The following LTBP1 variants were observed in gnomAD, a reference collection of about 807,000 sequenced individuals.
LTBP1 encodes the protein latent transforming growth factor beta binding protein 1.
Under a neutral mutation model 207.6 loss-of-function variants are expected in LTBP1, and 129 were observed. The observed-to-expected ratio is 0.62, with a 90% CI of 0.54 to 0.72. LTBP1 has a LOEUF of 0.72. Among genes scored for constraint, LTBP1 ranks in the 30% least tolerant of loss-of-function variants. LTBP1 has a pLI of 0.00. For synonymous variants in LTBP1, 963 were observed against 833.7 expected, an observed-to-expected ratio of 1.16 and a Z score of -2.67; for missense variants, 2,281 against 2,217.2, an observed-to-expected ratio of 1.03 and a Z score of -0.58.
At chr2:33,344,322 A>G (rs557703772) in intron 25 of LTBP1, among the ~76,000 whole-genome samples, 20 of 152,356 alleles carry the variant, frequency 1.3e-4, no homozygotes, top group African/African-American at 2.9e-4. Flanking sequence ...CCTTTCCACC[A>G]AAATACAGTT....
intron 24 of LTBP1, among the ~76,000 whole-genome samples, chr2:33,328,839 G>A (rs1037348687): frequency 6.6e-6 from 1 of 152,062 alleles, no homozygotes; most frequent in African/African-American, 2.4e-5. Flanking sequence ...TGTAAGCTTC[G>A]TCTGTCTTGT....
At chr2:33,345,543 A>C (rs1406385327) in intron 25 of LTBP1, among the ~76,000 whole-genome samples, 1 of 152,218 alleles carries the variant, frequency 6.6e-6, no homozygotes, top group African/African-American at 2.4e-5. Context: ...CAATTTCTTA[A>C]GTTTTTCTGG....
chr2:33,125,657 C>T (rs2081392895), intron 4 of LTBP1, among the ~76,000 whole-genome samples: 2 of 151,828 alleles, frequency 1.3e-5, no homozygotes. Flanking sequence ...GTAGTGAAAC[C>T]CCATCTCTAC....
At chr2:33,256,941 C>T (rs2092877755) in intron 11 of LTBP1, among the ~76,000 whole-genome samples, 1 of 149,784 alleles carries the variant, frequency 6.7e-6, no homozygotes. Context: ...TATCCTAGAA[C>T]TAATCCCTCA....
chr2:32,998,136 C>T (rs965445807), intron 2 of LTBP1, among the ~76,000 whole-genome samples: 6 of 152,272 alleles, frequency 3.9e-5, no homozygotes, highest in Non-Finnish European at 4.4e-5. Context: ...GGACTCCTCC[C>T]CAGACCTAAT....
At chr2:33,019,181 G>A (rs1186415184) in intron 2 of LTBP1, among the ~76,000 whole-genome samples, 1 of 151,966 alleles carries the variant, frequency 6.6e-6, no homozygotes, top group Non-Finnish European at 1.5e-5. Context: ...ATCTGCCTCA[G>A]GACCAACAGT....
At position 33,082,431 on chromosome 2, in the gene LTBP1, A is replaced by AATTTTTTTTTTTTTTTTTT. The variant is rs2078468929; in HGVS notation, c.864-28151_864-28150insATTTTTTTTTTTTTTTTTT. On this transcript the variant is annotated intron_variant, in intron 3 of 33. Coordinates refer to ENST00000404816, the MANE Select transcript of LTBP1 (RefSeq NM_206943.4). ...GTTAACCGTGGCTAAAGTATGACTC[A>AATTTTTTTTTTTTTTTTTT]CTTTTTTTTTTTTTTTTTTTTTTTT... Among the ~76,000 whole-genome samples, 23 of 116,044 alleles carry AATTTTTTTTTTTTTTTTTT rather than the reference A, an allele frequency of 2.0e-4. 9 individuals carry two copies. Among genetic ancestry groups the AATTTTTTTTTTTTTTTTTT allele is most frequent in the Admixed American group, 2.9e-4 (3 of 10,198 alleles). The allele number at this position is 116,044 out of a possible 152,430, so 76.1% of individuals were successfully genotyped here.
At chr2:33,295,397 T>C (rs570512514) in intron 20 of LTBP1, among the ~76,000 whole-genome samples, 1 of 152,002 alleles carries the variant, frequency 6.6e-6, no homozygotes, top group African/African-American at 2.4e-5. Flanking sequence ...CTTGGTGGCA[T>C]GCGCATGTAA....
chr2:33,268,504 G>C (rs181813000), intron 15 of LTBP1, among the ~76,000 whole-genome samples: 6 of 152,300 alleles, frequency 3.9e-5, no homozygotes, highest in African/African-American at 1.4e-4. Context: ...TAATTATAAA[G>C]TGAGCCACAT....
At chr2:33,353,638 C>T (rs566396056) in intron 26 of LTBP1, among the ~76,000 whole-genome samples, 2 of 152,182 alleles carry the variant, frequency 1.3e-5, no homozygotes, top group South Asian at 4.2e-4. Context: ...AATAGGGGCA[C>T]ACTTAAGTGG....
At chr2:33,238,821 AT>A (rs1349184825) in intron 9 of LTBP1, among the ~76,000 whole-genome samples, 1 of 152,230 alleles carries the variant, frequency 6.6e-6, no homozygotes, top group Non-Finnish European at 1.5e-5. Context: ...TGCTATAGAA[AT>A]GTAAAGAATC....
intron 6 of LTBP1, among the ~76,000 whole-genome samples, chr2:33,188,322 G>A (rs142650666): frequency 0.023 from 3,455 of 149,818 alleles, 42 homozygotes; most frequent in Middle Eastern, 0.035. Context: ...TCGGGAGGCT[G>A]AGGCAGGAGA....
chr2:32,961,727 C>T (rs1480482756), intron 2 of LTBP1, among the ~76,000 whole-genome samples: 1 of 152,088 alleles, frequency 6.6e-6, no homozygotes, highest in Non-Finnish European at 1.5e-5. Flanking sequence ...TGGCGGATCA[C>T]CTGAGGTCAG....
chr2:33,272,201 T>C (rs80090978), intron 15 of LTBP1, among the ~76,000 whole-genome samples: 2,223 of 152,320 alleles, frequency 0.015, 22 homozygotes, highest in East Asian at 0.026. Flanking sequence ...TCAACCCCAA[T>C]TTAGGTCATT....
chr2:33,185,171 T>G (rs2087062420), intron 5 of LTBP1, among the ~76,000 whole-genome samples: 1 of 152,132 alleles, frequency 6.6e-6, no homozygotes, highest in Non-Finnish European at 1.5e-5. Flanking sequence ...GTAGCTGTAT[T>G]GTAGAGAATG....
intron 7 of LTBP1, among the ~76,000 whole-genome samples, chr2:33,211,969 A>G (rs1321377508): frequency 6.6e-6 from 1 of 152,212 alleles, no homozygotes; most frequent in Non-Finnish European, 1.5e-5. Context: ...TAAAGTCTGA[A>G]GATATGTGTT....
chr2:33,274,897 T>C, intron 16 of LTBP1, 68 bp from the exon 17 acceptor site: 1 of 1,520,402 alleles, frequency 6.6e-7, no homozygotes, highest in African/African-American at 1.4e-5. Context: ...TGATGGTATT[T>C]TACAGAACAG....
At chr2:33,128,083 G>A (rs1330660162) in intron 4 of LTBP1, among the ~76,000 whole-genome samples, 1 of 152,164 alleles carries the variant, frequency 6.6e-6, no homozygotes, top group Non-Finnish European at 1.5e-5. Context: ...CGAGAGGAAT[G>A]GCCCCCTGTT....
chr2:33,021,971 C>T (rs1006442975), intron 3 of LTBP1, among the ~76,000 whole-genome samples: 1 of 152,202 alleles, frequency 6.6e-6, no homozygotes, highest in Non-Finnish European at 1.5e-5. Flanking sequence ...GCAGAATGTA[C>T]TGCAACTATC....
Sources: gnomAD v4.1 joint callset for allele counts (sites outside exome capture counted in the v4.1 genomes callset) on GRCh38, gnomAD v4.1.1 for gene constraint, MANE v1.5 for transcripts, NCBI Gene and HGNC (gene_info 2026-07-23, HGNC 2026-07-21) for gene names.